PGGT1B: variants seen among roughly 807,000 people sequenced by gnomAD.
PGGT1B encodes the protein geranylgeranyl transferase type-1 subunit beta.
PGGT1B carries 30 observed loss-of-function variants against 46.1 expected under a neutral mutation model. The ratio of observed to expected loss-of-function variants is 0.65; its 90% CI spans 0.49 to 0.88. The LOEUF is 0.88. Ranked by LOEUF, PGGT1B falls within the 40% of genes least tolerant of loss-of-function variation. PGGT1B has a pLI of 0.00. For synonymous variants in PGGT1B, 170 were observed against 160.0 expected (o/e 1.06, Z -0.47); for missense variants, 376 against 455.9 (o/e 0.82, Z 1.60).
intron 1 of PGGT1B, among the ~76,000 whole-genome samples, chr5:115,257,426 C>T (rs572493677): frequency 6.7e-5 from 10 of 150,124 alleles, no homozygotes; most frequent in African/African-American, 2.5e-4. Flanking sequence ...AGGCAGGAGA[C>T]TCACTTGAAC....
intron 2 of PGGT1B, among the ~76,000 whole-genome samples, chr5:115,246,996 T>G (rs572981294): frequency 6.6e-6 from 1 of 152,116 alleles, no homozygotes; most frequent in East Asian, 1.9e-4. Flanking sequence ...ATGCAGGAAG[T>G]GTGTTATTAG....
intron 8 of PGGT1B, among the ~76,000 whole-genome samples, chr5:115,216,218 GA>G (rs1279918595): frequency 6.6e-6 from 1 of 152,008 alleles, no homozygotes; most frequent in African/African-American, 2.4e-5. Context: ...CGGCTCACTG[GA>G]ACCTCTGCTT....
intron 6 of PGGT1B, among the ~76,000 whole-genome samples, chr5:115,223,026 G>A (rs1756634903): frequency 6.6e-6 from 1 of 151,910 alleles, no homozygotes; most frequent in Non-Finnish European, 1.5e-5. Context: ...TAAATGATGA[G>A]TTAATGGGTG....
chr5:115,210,437 A>T lies in PGGT1B; in HGVS notation c.*1965T>A, dbSNP rs142099523. 2.6e-5 allele frequency: 4 copies of T among 152,136 alleles called. No individual in the cohort carries two copies. The highest frequency in any genetic ancestry group is 6.6e-5 in the Admixed American group (1 of 15,264). The allele number at this position is 152,136 out of a possible 1,614,324, so 9.4% of individuals were successfully genotyped here. A position where few individuals can be genotyped will look rare whatever the true frequency, so the allele number is the denominator to read the frequency against. ...ACACTGGGCTGCTATTTTCTGGTCA[A>T]TTCAGTTGCTGTGGAATGTGAACAT... On this transcript the variant is annotated 3_prime_UTR_variant, in exon 9 of 9. Transcript: ENST00000419445.
At chr5:115,243,493 T>C (rs148029245) in intron 2 of PGGT1B, among the ~76,000 whole-genome samples, 35 of 152,306 alleles carry the variant, frequency 2.3e-4, no homozygotes, top group African/African-American at 8.2e-4. Context: ...ATGGCACATA[T>C]CAACAAAGAC....
In PGGT1B at chr5:115,244,135, C is replaced by T. The variant is rs112831908; in HGVS notation, c.260-2529G>A. ...CCAGATTAGTATTTGACTGAATTAA[C>T]AGGGAACAGAAATCCTGGGGCAACA... is the stretch of plus-strand genomic sequence containing the variant. On this transcript the variant is annotated intron_variant, in intron 2 of 8. Coordinates refer to ENST00000419445, the MANE Select transcript of PGGT1B (RefSeq NM_005023.4). 6.3e-3 allele frequency among the ~76,000 whole-genome samples: 957 copies of T among 152,204 alleles called. 4 individuals carry two copies. Among genetic ancestry groups the T allele is most frequent in the Middle Eastern group, 0.014 (4 of 294 alleles).
chr5:115,225,914 G>T lies in PGGT1B; in HGVS notation c.659-3906C>A, dbSNP rs905803648. Among the ~76,000 whole-genome samples the T allele has an allele frequency of 3.3e-5, 5 of 152,022 alleles. No individual in the cohort carries two copies. In the East Asian group the frequency reaches 7.7e-4, roughly 23 times the overall value. Reference sequence around the variant, plus strand: ...TCCACCCACATCGGCCTCCCAAAGTGCTGGGATTATAGGCAGAGCCACCAT... The same window carrying T: ...TCCACCCACATCGGCCTCCCAAAGTTCTGGGATTATAGGCAGAGCCACCAT... On this transcript the variant is annotated intron_variant, in intron 6 of 8. Coordinates refer to ENST00000419445, the MANE Select transcript of PGGT1B (RefSeq NM_005023.4).
Position 115,206,361 on chromosome 5 carries a change from T to A in PGGT1B, c.*6041A>T, listed in dbSNP as rs892560780. 2 of 151,844 alleles carry A rather than the reference T, an allele frequency of 1.3e-5. No individual in the cohort carries two copies. The highest frequency in any genetic ancestry group is 4.8e-5 in the African/African-American group (2 of 41,410). The allele number at this position is 151,844 out of a possible 1,614,324, so 9.4% of individuals were successfully genotyped here. The stretch of plus-strand genomic sequence containing the variant: ...AAATTATAAAACTAAATGACCATTT[T>A]AAAAAAAGGTTCAAAGTGAAATAAG... On this transcript the variant is annotated 3_prime_UTR_variant, in exon 9 of 9. Transcript: ENST00000419445.
rs762471246 is a variant in PGGT1B, at chr5:115,212,380, C to G, written c.*22G>C. The G allele has an allele frequency of 1.3e-6, 2 of 1,597,580 alleles. No homozygotes were observed. The highest frequency in any genetic ancestry group is 3.3e-5 in the Admixed American group (2 of 59,790). On this transcript the variant is annotated 3_prime_UTR_variant, in exon 9 of 9. Transcript: ENST00000419445. ...GCTACAGTTATGCTACAAATCCCCC[C>G]ACCCTCCCAATCTAAAATCAGTCAT... is the stretch of plus-strand genomic sequence containing the variant.
chr5:115,241,654 A>G lies in PGGT1B; in HGVS notation c.260-48T>C, dbSNP rs1040237033. 12 of 1,401,076 alleles carry G rather than the reference A, an allele frequency of 8.6e-6. No individual in the cohort carries two copies. The South Asian group carries it at 1.5e-4, about 17-fold the overall frequency. The allele number at this position is 1,401,076 out of a possible 1,614,324, so 86.8% of individuals were successfully genotyped here. On this transcript the variant is annotated intron_variant, in intron 2 of 8. Coordinates refer to ENST00000419445, the MANE Select transcript of PGGT1B (RefSeq NM_005023.4). ...TATTTAAAGTACACTTTATTTTTGC[A>G]CAGATTCTAAAGCAGTTTAATTACA...
Position 115,216,996 on chromosome 5 carries a change from A to C in PGGT1B, c.844-23T>G, listed in dbSNP as rs1238542364. 2.9e-6 allele frequency: 3 copies of C among 1,022,270 alleles called. No individual in the cohort carries two copies. The East Asian group carries it at 7.2e-5, about 24-fold the overall frequency. 63.3% of individuals were successfully genotyped at this position (1,022,270 alleles called of 1,614,324 possible). On this transcript the variant is annotated intron_variant, in intron 7 of 8. Coordinates refer to ENST00000419445, the MANE Select transcript of PGGT1B (RefSeq NM_005023.4). ...AAGCTGAAATGACATGACAAATAAAAATTTACTGACATAAAACTCATATCA... is the reference window on the plus strand; with the variant it reads ...AAGCTGAAATGACATGACAAATAAACATTTACTGACATAAAACTCATATCA...
At chr5:115,246,442 T>G (rs1747839436) in intron 2 of PGGT1B, among the ~76,000 whole-genome samples, 1 of 152,188 alleles carries the variant, frequency 6.6e-6, no homozygotes, top group Non-Finnish European at 1.5e-5. Context: ...TCTTGTGTGC[T>G]TTCCTTTGGA....
At position 115,207,558 on chromosome 5, in the gene PGGT1B, G is replaced by A. The variant is rs891525411; in HGVS notation, c.*4844C>T. ...ATTTCTGACACCATACATAGATGCT[G>A]TCTGTTTTGAACTTCACCGAAATGG... On this transcript the variant is annotated 3_prime_UTR_variant, in exon 9 of 9. Transcript: ENST00000419445. 6.6e-6 allele frequency: 1 copy of A among 151,964 alleles called. No homozygotes were observed. Among genetic ancestry groups the A allele is most frequent in the African/African-American group, 2.4e-5 (1 of 41,412 alleles). The allele number at this position is 151,964 out of a possible 1,614,324, so 9.4% of individuals were successfully genotyped here.
At chr5:115,220,567 G>C (rs1756556955) in intron 7 of PGGT1B, among the ~76,000 whole-genome samples, 2 of 151,992 alleles carry the variant, frequency 1.3e-5, no homozygotes, top group South Asian at 2.1e-4. Flanking sequence ...CTAGTGAACT[G>C]TATACTTACA....
At chr5:115,248,350 C>T (rs891301855) in intron 2 of PGGT1B, among the ~76,000 whole-genome samples, 1 of 152,192 alleles carries the variant, frequency 6.6e-6, no homozygotes, top group African/African-American at 2.4e-5. Context: ...TTGTCTCTAG[C>T]ATTAACTAGC....
intron 1 of PGGT1B, among the ~76,000 whole-genome samples, chr5:115,253,600 C>T (rs535659345): frequency 2.0e-5 from 3 of 151,760 alleles, no homozygotes; most frequent in Non-Finnish European, 4.4e-5. Context: ...TAGTACAGGA[C>T]TTAGAAATAT....
chr5:115,246,759 C>A (rs1321892064), intron 2 of PGGT1B, among the ~76,000 whole-genome samples: 7 of 152,130 alleles, frequency 4.6e-5, no homozygotes, highest in Non-Finnish European at 2.9e-5. Flanking sequence ...GAAAAACAAT[C>A]CCGGTTTGAC....
intron 6 of PGGT1B, 136 bp from the exon 7 acceptor site, chr5:115,222,144 T>C: frequency 2.1e-6 from 1 of 487,116 alleles, no homozygotes; most frequent in East Asian, 3.4e-5. Flanking sequence ...AAAGATGAGA[T>C]TTTAAAATAA....
chr5:115,242,227 A>G (rs1371490068), intron 2 of PGGT1B, among the ~76,000 whole-genome samples: 2 of 152,218 alleles, frequency 1.3e-5, no homozygotes, highest in Non-Finnish European at 1.5e-5. Flanking sequence ...ATGTTTATCC[A>G]TACTTTTTTT....
Sources: allele counts gnomAD v4.1 joint callset (sites outside exome capture counted in the v4.1 genomes callset), GRCh38; gene constraint gnomAD v4.1.1; transcripts MANE v1.5; gene names NCBI Gene and HGNC (gene_info 2026-07-23, HGNC 2026-07-21).